Variants in JARID2 observed in about 807,000 individuals in gnomAD.
JARID2 encodes the protein protein Jumonji.
A neutral mutation model predicts 125.6 loss-of-function variants in JARID2; 21 were observed. The observed-to-expected ratio is 0.17, with a 90% CI of 0.12 to 0.24. The LOEUF is 0.24. Among genes scored for constraint, JARID2 ranks in the 10% least tolerant of loss-of-function variants. The pLI is 1.00. For missense variants in JARID2, 1,303 were observed against 1,639.6 expected (o/e 0.79, Z 3.55); for synonymous variants, 736 against 661.6 (o/e 1.11, Z -1.73).
chr6:15,301,836 A>G (rs1761635591), intron 1 of JARID2, among the ~76,000 whole-genome samples: 1 of 152,224 alleles, frequency 6.6e-6, no homozygotes, highest in Non-Finnish European at 1.5e-5. Flanking sequence ...AATGCCTGGT[A>G]TAGTGACTAA....
chr6:15,436,476 G>A (rs1242013358), intron 3 of JARID2, among the ~76,000 whole-genome samples: 1 of 152,158 alleles, frequency 6.6e-6, no homozygotes, highest in Non-Finnish European at 1.5e-5. Context: ...CTAGGGTCTT[G>A]GGTTTTTATA....
In JARID2 at chr6:15,432,038, G is replaced by A. The variant is rs550084049; in HGVS notation, c.324-19968G>A. Among the ~76,000 whole-genome samples the A allele has an allele frequency of 8.5e-5, 13 of 152,154 alleles. No homozygotes were observed. The South Asian group carries it at 2.5e-3, about 29-fold the overall frequency. The stretch of plus-strand genomic sequence containing the variant: ...GTTCAGCTGGTACCAGTGTGTTACC[G>A]GTGGAGGGTGTCCAGGTTCTTGGCG... On this transcript the variant is annotated intron_variant, in intron 3 of 17. Coordinates refer to ENST00000341776, the MANE Select transcript of JARID2 (RefSeq NM_004973.4).
intron 1 of JARID2, among the ~76,000 whole-genome samples, chr6:15,283,995 C>G (rs1760895388): frequency 6.6e-6 from 1 of 152,232 alleles, no homozygotes; most frequent in Non-Finnish European, 1.5e-5. Context: ...GCGTGAGCCA[C>G]TGCATCCAGC....
intron 9 of JARID2, among the ~76,000 whole-genome samples, chr6:15,506,282 C>T (rs944579934): frequency 6.6e-6 from 1 of 152,326 alleles, no homozygotes; most frequent in South Asian, 2.1e-4. Context: ...TCAGCAAATA[C>T]GCAGCAGGCT....
At chr6:15,263,602 T>A (rs1164826626) in intron 1 of JARID2, among the ~76,000 whole-genome samples, 1 of 151,100 alleles carries the variant, frequency 6.6e-6, no homozygotes, top group Non-Finnish European at 1.5e-5. Context: ...TTTTTTTTTT[T>A]TTTTTTTTGA....
At chr6:15,508,967 C>G in intron 12 of JARID2, 1 of 1,289,352 alleles carries the variant, frequency 7.8e-7, no homozygotes, top group Non-Finnish European at 1.0e-6. Flanking sequence ...TTTTCAGCCT[C>G]TCTGTAGAGC....
chr6:15,322,350 C>T (rs6938919), intron 1 of JARID2, among the ~76,000 whole-genome samples: 10,359 of 152,160 alleles, frequency 0.068, 494 homozygotes, highest in African/African-American at 0.12. Flanking sequence ...GTCCTAGCTA[C>T]GCAAGCCATA....
chr6:15,475,112 T>A (rs928357407), intron 5 of JARID2, among the ~76,000 whole-genome samples: 1 of 152,360 alleles, frequency 6.6e-6, no homozygotes, highest in East Asian at 1.9e-4. Context: ...AAAATTTCAC[T>A]GAGGTCCATT....
intron 1 of JARID2, among the ~76,000 whole-genome samples, chr6:15,328,764 C>G (rs75778046): frequency 0.023 from 3,519 of 152,284 alleles, 148 homozygotes; most frequent in African/African-American, 0.08. Flanking sequence ...TTCAAATTCA[C>G]GATGACTTCA....
chr6:15,458,085 C>A (rs1172064227), intron 4 of JARID2, among the ~76,000 whole-genome samples: 2 of 152,284 alleles, frequency 1.3e-5, no homozygotes, highest in South Asian at 4.2e-4. Flanking sequence ...CACTGGCACA[C>A]GCGGGGAAGA....
At chr6:15,350,190 C>T (rs369740617) in intron 1 of JARID2, among the ~76,000 whole-genome samples, 2 of 152,090 alleles carry the variant, frequency 1.3e-5, no homozygotes, top group Non-Finnish European at 2.9e-5. Flanking sequence ...ACATCAGTAA[C>T]GTCACAGAAT....
At chr6:15,253,273 C>T (rs143273549) in intron 1 of JARID2, among the ~76,000 whole-genome samples, 3 of 152,116 alleles carry the variant, frequency 2.0e-5, no homozygotes, top group African/African-American at 7.2e-5. Context: ...CTATGTTGGC[C>T]AGGCTGGTAT....
chr6:15,310,727 G>T (rs927185879), intron 1 of JARID2, among the ~76,000 whole-genome samples: 1 of 152,170 alleles, frequency 6.6e-6, no homozygotes, highest in East Asian at 1.9e-4. Context: ...TCCCATCCCC[G>T]CTTGGCTCTT....
intron 3 of JARID2, among the ~76,000 whole-genome samples, chr6:15,416,268 T>C (rs556653600): frequency 6.7e-4 from 102 of 152,236 alleles, no homozygotes; most frequent in African/African-American, 2.3e-3. Flanking sequence ...GAGACGCTTC[T>C]CACTTCCCAG....
At chr6:15,252,235 A>G (rs554250039) in intron 1 of JARID2, among the ~76,000 whole-genome samples, 26 of 152,254 alleles carry the variant, frequency 1.7e-4, no homozygotes, top group Admixed American at 1.0e-3. Context: ...AAGAAGACCC[A>G]TGGCCTCATA....
At chr6:15,277,354 G>A (rs987477728) in intron 1 of JARID2, among the ~76,000 whole-genome samples, 1 of 152,104 alleles carries the variant, frequency 6.6e-6, no homozygotes, top group African/African-American at 2.4e-5. Context: ...GAACTCCTGG[G>A]CTCTAGCAGT....
rs556040280 is a variant in JARID2, at chr6:15,382,426, TGGGGTGGCA to T, written c.181+8180_181+8188del. On this transcript the variant is annotated intron_variant, in intron 2 of 17. Transcript: ENST00000341776. ...TGCGAGAGATTTCTGAGCAAGACCT[TGGGGTGGCA>T]GGGGTCAGCAAATATTTGACTGGTC... Among the ~76,000 whole-genome samples the T allele has an allele frequency of 1.6e-3, 250 of 152,092 alleles. 2 individuals carry two copies. The highest frequency in any genetic ancestry group is 0.015 in the South Asian group (73 of 4,808).
intron 1 of JARID2, among the ~76,000 whole-genome samples, chr6:15,291,583 C>G (rs920218810): frequency 1.3e-5 from 2 of 152,192 alleles, no homozygotes; most frequent in African/African-American, 4.8e-5. Context: ...AGGGATCCTG[C>G]TAGGCCAGAA....
At chr6:15,447,508 A>G (rs1455514778) in intron 3 of JARID2, among the ~76,000 whole-genome samples, 3 of 152,226 alleles carry the variant, frequency 2.0e-5, no homozygotes, top group South Asian at 2.1e-4. Flanking sequence ...GCAAGGCCCA[A>G]GGCTTGGGAG....
Sources: gnomAD v4.1 joint callset for allele counts (sites outside exome capture counted in the v4.1 genomes callset) on GRCh38, gnomAD v4.1.1 for gene constraint, MANE v1.5 for transcripts, NCBI Gene and HGNC (gene_info 2026-07-23, HGNC 2026-07-21) for gene names.